Variants in CAB39 observed in about 807,000 individuals in gnomAD.
CAB39 encodes the protein calcium binding protein 39.
A neutral mutation model predicts 40.0 loss-of-function variants in CAB39; 8 were observed. The observed-to-expected ratio is 0.20, with a 90% CI of 0.12 to 0.36. The LOEUF is 0.36. CAB39 is among the 10% of genes least tolerant of loss of function. CAB39 has a pLI of 1.00. For synonymous variants in CAB39, 156 were observed against 141.6 expected (o/e 1.10, Z -0.72); for missense variants, 270 against 401.1 (o/e 0.67, Z 2.79).
intron 2 of CAB39, among the ~76,000 whole-genome samples, chr2:230,769,804 C>A (rs1695451375): frequency 6.6e-6 from 1 of 150,824 alleles, no homozygotes; most frequent in African/African-American, 2.4e-5. Flanking sequence ...TGTGGCAAAA[C>A]CCTGTCTCTA....
rs751051182 is a variant in CAB39 at position 230,793,327 on chromosome 2, A to G, written c.394A>G (p.Lys132Glu). The G allele has an allele frequency of 2.0e-6, 3 of 1,507,950 alleles. No homozygotes were observed. In the Admixed American group the frequency reaches 5.1e-5, roughly 26 times the overall value. 93.4% of individuals were successfully genotyped at this position (1,507,950 alleles called of 1,614,324 possible). The stretch of plus-strand genomic sequence containing the variant: ...ACAGAATATTTTGTTCATGTTATTG[A>G]AAGGGTATGTACAATGTAATAAAAT... ...TQQNILFMLL[K>E]GYESPEIALN... Residue 132 changes from lysine to glutamate, a missense_variant, in exon 4 of 9, where the codon AAA becomes GAA. Physicochemically the swap from Lys to Glu is moderately conservative, Grantham distance 56 (BLOSUM62 1). Coordinates refer to ENST00000258418, the MANE Select transcript of CAB39 (RefSeq NM_016289.4).
At chr2:230,728,262 A>AT (rs774483472) in intron 1 of CAB39, among the ~76,000 whole-genome samples, 1 of 152,168 alleles carries the variant, frequency 6.6e-6, no homozygotes, top group Admixed American at 6.5e-5. Flanking sequence ...AAATAAATAA[A>AT]TAAAAACTAG....
chr2:230,794,358 A>C (rs1356304694), intron 4 of CAB39, among the ~76,000 whole-genome samples: 1 of 152,160 alleles, frequency 6.6e-6, no homozygotes, highest in Non-Finnish European at 1.5e-5. Flanking sequence ...TGTTGTATCA[A>C]TTCAGAGTTG....
Position 230,818,914 on chromosome 2 carries a change from C to G in CAB39, c.*210C>G. On this transcript the variant is annotated 3_prime_UTR_variant, in exon 9 of 9. Transcript: ENST00000258418. ...GGGCACATGTGGGCTTTCTCTTGAT[C>G]TTTGTGTCATTTCAGAATTCAAAGA... The G allele has an allele frequency of 1.0e-5, 5 of 481,934 alleles. No homozygotes were observed. The South Asian group carries it at 1.1e-4, about 11-fold the overall frequency. The allele number at this position is 481,934 out of a possible 1,614,324, so 29.9% of individuals were successfully genotyped here. A position where few individuals can be genotyped will look rare whatever the true frequency, so the allele number is the denominator to read the frequency against.
intron 2 of CAB39, among the ~76,000 whole-genome samples, chr2:230,786,005 G>A (rs1294398839): frequency 1.3e-5 from 2 of 151,088 alleles, no homozygotes; most frequent in African/African-American, 2.4e-5. Flanking sequence ...TCTACTAAAA[G>A]TACAAAAAAT....
Position 230,759,965 on chromosome 2 carries a change from C to T in CAB39, c.-37C>T. The T allele has an allele frequency of 8.8e-7, 1 of 1,141,746 alleles. No individual in the cohort carries two copies. Among genetic ancestry groups the T allele is most frequent in the Admixed American group, 1.7e-5 (1 of 58,838 alleles). The allele number at this position is 1,141,746 out of a possible 1,614,324, so 70.7% of individuals were successfully genotyped here. ...ACCTTGTGCTGTGTTCTAGGTAGCA[C>T]AGGCGGAGTGCAGCGGAGGCCCCTG... is the stretch of plus-strand genomic sequence containing the variant. On this transcript the variant is annotated 5_prime_UTR_variant, in exon 2 of 9. Transcript: ENST00000258418.
intron 5 of CAB39, among the ~76,000 whole-genome samples, chr2:230,809,364 G>C (rs1696264453): frequency 6.6e-6 from 1 of 152,230 alleles, no homozygotes; most frequent in South Asian, 2.1e-4. Context: ...ACTAGGAAAG[G>C]TGGTTGGGAG....
chr2:230,772,641 C>T (rs181018594), intron 2 of CAB39, among the ~76,000 whole-genome samples: 255 of 152,178 alleles, frequency 1.7e-3, no homozygotes, highest in African/African-American at 5.7e-3. Flanking sequence ...CCCACCAAGA[C>T]GCCTGGCTAA....
At chr2:230,790,325 T>C (rs1186166066) in intron 2 of CAB39, among the ~76,000 whole-genome samples, 6 of 152,216 alleles carry the variant, frequency 3.9e-5, no homozygotes, top group Non-Finnish European at 7.3e-5. Flanking sequence ...CCCTTCTCTA[T>C]CTTGAGCAGA....
chr2:230,770,819 G>GA (rs938395178), intron 2 of CAB39, among the ~76,000 whole-genome samples: 3 of 151,844 alleles, frequency 2.0e-5, no homozygotes, highest in Admixed American at 6.6e-5. Context: ...ATGAAAAGGG[G>GA]AAAAAAACCA....
intron 6 of CAB39, among the ~76,000 whole-genome samples, chr2:230,811,498 GTCA>G (rs1696305765): frequency 1.3e-5 from 2 of 152,284 alleles, no homozygotes; most frequent in South Asian, 2.1e-4. Context: ...TGGCAGTTCT[GTCA>G]TCATCAGGGC....
intron 1 of CAB39, among the ~76,000 whole-genome samples, chr2:230,753,971 C>G (rs1695135651): frequency 6.6e-6 from 1 of 152,120 alleles, no homozygotes; most frequent in Non-Finnish European, 1.5e-5. Context: ...CACCAACCAT[C>G]TAAATTTTAA....
At chr2:230,766,293 AAG>A (rs1695384164) in intron 2 of CAB39, among the ~76,000 whole-genome samples, 1 of 152,230 alleles carries the variant, frequency 6.6e-6, no homozygotes, top group Admixed American at 6.5e-5. Flanking sequence ...ATTGCAAGTA[AAG>A]AGGGGAAATT....
intron 1 of CAB39, among the ~76,000 whole-genome samples, chr2:230,728,899 C>G (rs945325181): frequency 2.0e-5 from 3 of 152,202 alleles, no homozygotes; most frequent in Non-Finnish European, 4.4e-5. Context: ...AGGCATGAAG[C>G]ATTGCACCCG....
At chr2:230,776,765 A>G (rs1435622352) in intron 2 of CAB39, among the ~76,000 whole-genome samples, 3 of 150,388 alleles carry the variant, frequency 2.0e-5, no homozygotes, top group Admixed American at 6.7e-5. Context: ...ATCTCGGCTC[A>G]CTGCAAGCTC....
At chr2:230,732,129 T>A (rs1694702775) in intron 1 of CAB39, among the ~76,000 whole-genome samples, 1 of 151,994 alleles carries the variant, frequency 6.6e-6, no homozygotes, top group Non-Finnish European at 1.5e-5. Flanking sequence ...TCACCCAAGC[T>A]GGAGGGCAGT....
intron 6 of CAB39, among the ~76,000 whole-genome samples, chr2:230,813,332 G>C (rs1696336922): frequency 6.6e-6 from 1 of 152,118 alleles, no homozygotes; most frequent in South Asian, 2.1e-4. Context: ...CTGTTTTGAA[G>C]GTCTAGTGGA....
chr2:230,721,092 C>T (rs1694444255), intron 1 of CAB39, among the ~76,000 whole-genome samples: 2 of 152,142 alleles, frequency 1.3e-5, no homozygotes, highest in South Asian at 4.1e-4. Context: ...TATAATAATA[C>T]GTTCTTTCTA....
At chr2:230,804,889 A>G (rs1696162405) in intron 5 of CAB39, among the ~76,000 whole-genome samples, 1 of 152,222 alleles carries the variant, frequency 6.6e-6, no homozygotes, top group South Asian at 2.1e-4. Flanking sequence ...CAGTGATCCC[A>G]TTACTGGGTA....
Sources: allele counts gnomAD v4.1 joint callset (sites outside exome capture counted in the v4.1 genomes callset), GRCh38; gene constraint gnomAD v4.1.1; transcripts MANE v1.5; gene names NCBI Gene and HGNC (gene_info 2026-07-23, HGNC 2026-07-21).